The following ARHGEF28 variants were observed in gnomAD, a reference collection of about 807,000 sequenced individuals.
ARHGEF28 encodes Rho guanine nucleotide exchange factor 28.
ARHGEF28 carries 152 observed loss-of-function variants against 206.6 expected under a neutral mutation model. The observed-to-expected ratio is 0.74, with a 90% CI of 0.64 to 0.84. ARHGEF28 has a LOEUF of 0.84. Ranked by LOEUF, ARHGEF28 falls within the 40% of genes least tolerant of loss-of-function variation. The pLI is 0.00. For missense variants in ARHGEF28, 2,028 were observed against 2,073.2 expected (o/e 0.98, Z 0.42); for synonymous variants, 763 against 776.4 (o/e 0.98, Z 0.29).
At chr5:73,828,895 A>C (rs1303809243) in intron 9 of ARHGEF28, among the ~76,000 whole-genome samples, 3 of 151,704 alleles carry the variant, frequency 2.0e-5, no homozygotes, top group Admixed American at 1.3e-4. Flanking sequence ...ATCACAGCTC[A>C]CTGCAGCCTC....
At chr5:73,936,627 A>G (rs1303150875) in intron 35 of ARHGEF28, among the ~76,000 whole-genome samples, 1 of 152,240 alleles carries the variant, frequency 6.6e-6, no homozygotes, top group African/African-American at 2.4e-5. Context: ...GCTGAAGCCC[A>G]GAGAGGGGCA....
At chr5:73,781,900 G>A (rs534901559) in intron 7 of ARHGEF28, among the ~76,000 whole-genome samples, 4 of 152,206 alleles carry the variant, frequency 2.6e-5, no homozygotes, top group African/African-American at 7.2e-5. Context: ...AGTGAAGGAA[G>A]CAACACAAAA....
Position 73,863,831 on chromosome 5 carries a change from G to A in ARHGEF28, c.2048-986G>A, listed in dbSNP as rs141900992. ...TGTCTGAATCTGATGCTTATCAGCCGGGCCAATGCATAGATTAGCCTTGGG... is the reference window on the plus strand; with the variant it reads ...TGTCTGAATCTGATGCTTATCAGCCAGGCCAATGCATAGATTAGCCTTGGG... On this transcript the variant is annotated intron_variant, in intron 16 of 35. Transcript: ENST00000513042. Among the ~76,000 whole-genome samples the A allele has an allele frequency of 5.7e-3, 860 of 151,942 alleles. 11 individuals carry two copies. Among genetic ancestry groups the A allele is most frequent in the African/African-American group, 0.019 (806 of 41,422 alleles).
chr5:73,735,749 G>A (rs1750887139), intron 2 of ARHGEF28, among the ~76,000 whole-genome samples: 1 of 152,150 alleles, frequency 6.6e-6, no homozygotes, highest in South Asian at 2.1e-4. Context: ...TCCATGCGAT[G>A]GCCTCTGCCT....
At chr5:73,678,811 G>A (rs1561328017) in intron 1 of ARHGEF28, among the ~76,000 whole-genome samples, 1 of 152,066 alleles carries the variant, frequency 6.6e-6, no homozygotes, top group Admixed American at 6.6e-5. Flanking sequence ...AAAAAAAGGG[G>A]GGGAGTTAGC....
chr5:73,804,474 CACAA>C (rs1755326385), intron 9 of ARHGEF28, among the ~76,000 whole-genome samples: 1 of 152,154 alleles, frequency 6.6e-6, no homozygotes, highest in African/African-American at 2.4e-5. Context: ...GCATCGGTTC[CACAA>C]ACATTTAGTG....
At chr5:73,710,458 G>A (rs968249850) in intron 2 of ARHGEF28, among the ~76,000 whole-genome samples, 5 of 152,126 alleles carry the variant, frequency 3.3e-5, no homozygotes, top group Middle Eastern at 3.2e-3. Context: ...TTTCAGATAT[G>A]TGATTTAAAA....
In ARHGEF28 at chr5:73,870,097, C is replaced by A. The variant is rs1759998420; in HGVS notation, c.2454C>A (p.Asp818Glu). ...TTGTGGATTCTTCTCTGTGGAGTGA[C>A]CTCAGCAGTGATGCCCAGGAGTTTG... The part of the protein sequence containing the change: ...EDVVDSSLWS[D>E]LSSDAQEFEA... The change falls in exon 21 of 36, where the codon GAC becomes GAA. Residue 818 changes from aspartate to glutamate, a missense_variant. Physicochemically the swap from Asp to Glu is conservative, Grantham distance 45. This residue lies in a region of ARHGEF28 where 1,002 missense variants were observed against 1,015.3 expected (regional missense o/e 0.99). Transcript: ENST00000513042. 1 of 1,613,812 alleles carries A rather than the reference C, an allele frequency of 6.2e-7. No homozygotes were observed. The highest frequency in any genetic ancestry group is 1.1e-5 in the South Asian group (1 of 91,056).
chr5:73,867,445 A>T (rs1759781571), intron 18 of ARHGEF28, among the ~76,000 whole-genome samples: 1 of 152,216 alleles, frequency 6.6e-6, no homozygotes, highest in African/African-American at 2.4e-5. Flanking sequence ...CTCCAGCATC[A>T]TTCCATTCCA....
At chr5:73,851,726 G>C (rs984928460) in intron 13 of ARHGEF28, among the ~76,000 whole-genome samples, 22 of 152,070 alleles carry the variant, frequency 1.4e-4, no homozygotes, top group Non-Finnish European at 3.1e-4. Context: ...AGTGAGTTCT[G>C]CCTATGACTT....
chr5:73,803,083 T>C, intron 9 of ARHGEF28, among the ~76,000 whole-genome samples: 1 of 152,150 alleles, frequency 6.6e-6, no homozygotes, highest in African/African-American at 2.4e-5. Flanking sequence ...AAAGAACATT[T>C]TTATGAAACG....
intron 9 of ARHGEF28, among the ~76,000 whole-genome samples, chr5:73,830,664 T>C (rs527424875): frequency 6.6e-6 from 1 of 152,272 alleles, no homozygotes; most frequent in South Asian, 2.1e-4. Flanking sequence ...AAGAGATAGA[T>C]TTAGAAGCAG....
rs1323154218 is a variant in ARHGEF28, at chr5:73,847,302, C to T, written c.1635+827C>T. On this transcript the variant is annotated intron_variant, in intron 12 of 35. Transcript: ENST00000513042. ...ATGTATGTACAAAATATATAATTGC[C>T]TCATAACTCACCTATTACATAAGTA... Among the ~76,000 whole-genome samples the T allele has an allele frequency of 2.0e-5, 3 of 152,100 alleles. No homozygotes were observed. In the East Asian group the frequency reaches 5.8e-4, roughly 29 times the overall value.
intron 35 of ARHGEF28, among the ~76,000 whole-genome samples, chr5:73,935,143 C>G (rs909615514): frequency 2.0e-5 from 3 of 152,164 alleles, no homozygotes; most frequent in Non-Finnish European, 4.4e-5. Flanking sequence ...CCCATATTGA[C>G]TATTCCAAAT....
At chr5:73,906,104 T>G (rs1418734706) in intron 33 of ARHGEF28, among the ~76,000 whole-genome samples, 1 of 152,254 alleles carries the variant, frequency 6.6e-6, no homozygotes, top group Non-Finnish European at 1.5e-5. Flanking sequence ...CTTTCTCTTA[T>G]GACCTTTTAT....
At chr5:73,932,421 G>A (rs148672017) in intron 35 of ARHGEF28, among the ~76,000 whole-genome samples, 438 of 152,202 alleles carry the variant, frequency 2.9e-3, no homozygotes, top group Middle Eastern at 0.01. Context: ...AAAAGTCGAG[G>A]GCTGACTGCT....
chr5:73,749,860 G>C lies in ARHGEF28; in HGVS notation c.57G>C (p.Lys19Asn). 2 of 1,614,010 alleles carry C rather than the reference G, an allele frequency of 1.2e-6. No homozygotes were observed. The highest frequency in any genetic ancestry group is 2.2e-5 in the East Asian group (1 of 44,886). The stretch of plus-strand genomic sequence containing the variant: ...AGGGGCAGATGATGATCTATGCGAA[G>C]TTTGACAAAAATGTGTATCTTCCTG... ...PLYGQMMIYA[K>N]FDKNVYLPED... is the part of the protein sequence containing the mutation. Residue 19 changes from lysine to asparagine, a missense_variant, in exon 3 of 36, where the codon AAG (lysine) becomes AAC (asparagine). Coordinates refer to ENST00000513042, the MANE Select transcript of ARHGEF28 (RefSeq NM_001177693.2).
At chr5:73,827,558 GAGC>G (rs1186025106) in intron 9 of ARHGEF28, among the ~76,000 whole-genome samples, 1 of 152,146 alleles carries the variant, frequency 6.6e-6, no homozygotes, top group African/African-American at 2.4e-5. Context: ...CAAGCACAGA[GAGC>G]TTAAGTAACT....
At chr5:73,827,246 C>G (rs1307549852) in intron 9 of ARHGEF28, among the ~76,000 whole-genome samples, 3 of 152,134 alleles carry the variant, frequency 2.0e-5, no homozygotes, top group Non-Finnish European at 2.9e-5. Flanking sequence ...ATAAAAGTCA[C>G]AACATTTTAA....
Sources: gnomAD v4.1 joint callset for allele counts (sites outside exome capture counted in the v4.1 genomes callset) on GRCh38, gnomAD v4.1.1 for gene constraint, gnomAD v4.1.1 regional missense constraint, MANE v1.5 for transcripts, NCBI Gene and HGNC (gene_info 2026-07-23, HGNC 2026-07-21) for gene names.